The following CCDC3 variants were observed in gnomAD, a reference collection of about 807,000 sequenced individuals.
The protein encoded by CCDC3 is coiled-coil domain containing 3.
A neutral mutation model predicts 21.4 loss-of-function variants in CCDC3; 24 were observed. The observed-to-expected ratio is 1.12, with a 90% confidence interval of 0.81 to 1.58. The LOEUF (loss-of-function observed/expected upper bound fraction) is 1.58, where lower values mean the gene tolerates loss of function less well. CCDC3 is among the 40% of genes most tolerant of loss of function. The pLI is 0.00. For synonymous variants in CCDC3, 186 were observed against 166.0 expected (o/e 1.12, Z -0.93); for missense variants, 425 against 360.9 (o/e 1.18, Z -1.44).
intron 5 of CCDC3, among the ~76,000 whole-genome samples, chr10:13,027,972 G>A (rs776287360): frequency 1.3e-5 from 2 of 152,156 alleles, no homozygotes; most frequent in Non-Finnish European, 2.9e-5. Flanking sequence ...CCTCTTAGGT[G>A]ACATAATTCT....
intron 3 of CCDC3, among the ~76,000 whole-genome samples, chr10:13,076,494 C>T (rs552027623): frequency 6.6e-6 from 1 of 152,292 alleles, no homozygotes; most frequent in South Asian, 2.1e-4. Flanking sequence ...CTCAAAGTTT[C>T]CCTTGTTAAA....
chr10:12,911,183 C>A (rs772197541), intron 2 of CCDC3, among the ~76,000 whole-genome samples: 26 of 139,572 alleles, frequency 1.9e-4, no homozygotes, highest in Non-Finnish European at 3.7e-4. Flanking sequence ...AGTCACCTCT[C>A]CTAATGAGGC....
upstream of CCDC3, chr10:13,001,755 C>T (rs1835860675): frequency 3.8e-6 from 1 of 265,160 alleles, no homozygotes; most frequent in Non-Finnish European, 5.9e-6. Flanking sequence ...GTCCCGGGGA[C>T]TGGACGCGCC....
chr10:13,056,174 C>T (rs905691806), intron 4 of CCDC3, among the ~76,000 whole-genome samples: 3 of 152,172 alleles, frequency 2.0e-5, no homozygotes, highest in African/African-American at 7.2e-5. Context: ...AGGGACTTTG[C>T]TCCATGCAGT....
chr10:13,074,153 A>ATATTTTTTTTTTTT (rs1365749317), intron 3 of CCDC3: 1 of 64,292 alleles, frequency 1.6e-5, no homozygotes. Context: ...ATATATATAT[A>ATATTTTTTTTTTTT]TTTTTTTTTT....
At chr10:13,030,830 C>T (rs1172319520) in intron 5 of CCDC3, among the ~76,000 whole-genome samples, 2 of 152,140 alleles carry the variant, frequency 1.3e-5, no homozygotes, top group East Asian at 3.8e-4. Context: ...TACAGGAGCA[C>T]CCAGATTCAT....
chr10:12,957,478 C>T (rs141304837), intron 2 of CCDC3, among the ~76,000 whole-genome samples: 24 of 152,268 alleles, frequency 1.6e-4, no homozygotes, highest in African/African-American at 4.1e-4. Context: ...AGAAAGCCGA[C>T]GACATAGTTT....
In CCDC3 at chr10:12,896,976, C is replaced by T. The variant is rs1834010932; in HGVS notation, c.*1440G>A. 6.6e-6 allele frequency: 1 copy of T among 152,364 alleles called. No individual in the cohort carries two copies. Among genetic ancestry groups the T allele is most frequent in the Non-Finnish European group, 1.5e-5 (1 of 68,192 alleles). 9.4% of individuals were successfully genotyped at this position (152,364 alleles called of 1,614,324 possible). A position where few individuals can be genotyped will look rare whatever the true frequency, so the allele number is the denominator to read the frequency against. Reference sequence around the variant, plus strand: ...ACTCAAGCAACGTAAGAGTCATCTCCCCAGACTGGCTGTCAGAGCAAGAAG... The same window carrying T: ...ACTCAAGCAACGTAAGAGTCATCTCTCCAGACTGGCTGTCAGAGCAAGAAG... On this transcript the variant is annotated 3_prime_UTR_variant, in exon 3 of 3. Coordinates refer to ENST00000378825, the MANE Select transcript of CCDC3 (RefSeq NM_031455.4).
intron 2 of CCDC3, among the ~76,000 whole-genome samples, chr10:12,981,177 ATTTTT>A (rs59193619): frequency 4.7e-5 from 5 of 105,570 alleles, no homozygotes; most frequent in East Asian, 5.6e-4. Flanking sequence ...CTGGCCCAGG[ATTTTT>A]TTTTTTTTTT....
At chr10:13,058,481 A>G (rs1005492257) in intron 4 of CCDC3, 13 of 752,678 alleles carry the variant, frequency 1.7e-5, no homozygotes, top group Non-Finnish European at 2.4e-5. Context: ...AATATGGCCT[A>G]AGCAATCTGA....
chr10:12,943,535 T>C lies in CCDC3; in HGVS notation c.550-44856A>G, dbSNP rs536561947. Among the ~76,000 whole-genome samples the C allele has an allele frequency of 3.3e-5, 5 of 152,338 alleles. No individual in the cohort carries two copies. In the South Asian group the frequency reaches 1.0e-3, roughly 32 times the overall value. ...AAGGGATACTTGGAAGCCAGGTATA[T>C]TCAACATGGAGGTTCCCTCCTCCCT... On this transcript the variant is annotated intron_variant, in intron 2 of 2. Transcript: ENST00000378825.
chr10:13,061,250 C>G (rs1020539229), intron 4 of CCDC3, among the ~76,000 whole-genome samples: 1 of 152,186 alleles, frequency 6.6e-6, no homozygotes, highest in African/African-American at 2.4e-5. Context: ...CTGGAACACA[C>G]AGTTCCACCT....
At chr10:12,983,390 T>A (rs902338401) in intron 2 of CCDC3, among the ~76,000 whole-genome samples, 1 of 150,904 alleles carries the variant, frequency 6.6e-6, no homozygotes, top group Admixed American at 6.6e-5. Flanking sequence ...CTGGGCAACA[T>A]GGTGAAACCT....
chr10:12,993,455 G>T (rs73583867), intron 2 of CCDC3, among the ~76,000 whole-genome samples: 8,532 of 151,972 alleles, frequency 0.056, 783 homozygotes, highest in African/African-American at 0.19. Flanking sequence ...GAAAATGATA[G>T]CAAGATCTCC....
chr10:12,998,471 A>G lies in CCDC3; in HGVS notation c.416T>C (p.Phe139Ser), dbSNP rs1314459190. Residue 139 changes from phenylalanine to serine, a missense_variant, in exon 2 of 3, where the codon TTC (phenylalanine) becomes TCC (serine). Transcript: ENST00000378825. ...NYNLLPHGVN[F>S]QDAIFPDTQE... Reference sequence around the variant, plus strand: ...AGTGTCTGGGAAGATGGCATCTTGGAAATTGACTCCGTGAGGCAAGAGGTT... The same window carrying G: ...AGTGTCTGGGAAGATGGCATCTTGGGAATTGACTCCGTGAGGCAAGAGGTT... 2 of 1,614,040 alleles carry G rather than the reference A, an allele frequency of 1.2e-6. No homozygotes were observed. Among genetic ancestry groups the G allele is most frequent in the African/African-American group, 2.7e-5 (2 of 74,918 alleles).
intron 2 of CCDC3, among the ~76,000 whole-genome samples, chr10:12,940,533 C>T (rs920531071): frequency 2.6e-5 from 4 of 152,012 alleles, no homozygotes; most frequent in African/African-American, 9.7e-5. Flanking sequence ...AGATAGGATC[C>T]GGGGTCAGAT....
intron 2 of CCDC3, among the ~76,000 whole-genome samples, chr10:12,912,418 C>T (rs1834283650): frequency 2.0e-5 from 3 of 152,106 alleles, no homozygotes; most frequent in South Asian, 2.1e-4. Context: ...ATTTGTATGT[C>T]GTCTTTCTAG....
At chr10:13,014,006 C>T (rs1015509980) in intron 5 of CCDC3, among the ~76,000 whole-genome samples, 1 of 151,754 alleles carries the variant, frequency 6.6e-6, no homozygotes, top group Non-Finnish European at 1.5e-5. Flanking sequence ...CAAAAATTAA[C>T]CAGGTGTGGT....
chr10:12,913,896 T>C (rs1834308172), intron 2 of CCDC3, among the ~76,000 whole-genome samples: 1 of 152,246 alleles, frequency 6.6e-6, no homozygotes, highest in African/African-American at 2.4e-5. Context: ...TATAGATTAG[T>C]GTATGTTGAA....
Sources: gnomAD v4.1 joint callset for allele counts (sites outside exome capture counted in the v4.1 genomes callset) on GRCh38, gnomAD v4.1.1 for gene constraint, MANE v1.5 for transcripts, NCBI Gene and HGNC (gene_info 2026-07-23, HGNC 2026-07-21) for gene names.